TMEM184C: variants seen among roughly 807,000 people sequenced by gnomAD.
TMEM184C encodes the protein transmembrane protein 184C.
TMEM184C carries 25 observed loss-of-function variants against 54.5 expected under a neutral mutation model. The ratio of observed to expected loss-of-function variants is 0.46; its 90% confidence interval spans 0.33 to 0.64. TMEM184C has a LOEUF of 0.64. TMEM184C is among the 30% of genes least tolerant of loss of function. The probability of loss-of-function intolerance (pLI) is 0.02; values close to 1 mark genes in which losing one functional copy is unlikely to be tolerated. For synonymous variants in TMEM184C, 148 were observed against 181.5 expected, an observed-to-expected ratio of 0.82 and a Z score of 1.49; for missense variants, 335 against 520.3, an observed-to-expected ratio of 0.64 and a Z score of 3.46.
At chr4:147,631,364 AC>A in intron 6 of TMEM184C, 28 bp from the exon 7 acceptor site, 2 of 1,493,728 alleles carry the variant, frequency 1.3e-6, no homozygotes, top group Non-Finnish European at 1.8e-6. Flanking sequence ...CTATTACTGA[AC>A]AAGTTTAAAT....
At chr4:147,624,711 C>A in intron 3 of TMEM184C, 93 bp from the exon 4 acceptor site, 2 of 1,161,830 alleles carry the variant, frequency 1.7e-6, no homozygotes, top group Non-Finnish European at 2.5e-6. Context: ...ACATCTCAAG[C>A]ATAAAAATTA....
chr4:147,629,803 A>C, intron 6 of TMEM184C, 111 bp downstream of exon 6: 1 of 560,292 alleles, frequency 1.8e-6, no homozygotes, highest in Non-Finnish European at 2.8e-6. Flanking sequence ...TAATCTTCCT[A>C]TAAATTAAAT....
intron 9 of TMEM184C, 69 bp downstream of exon 9, chr4:147,634,005 T>C (rs1383908103): frequency 1.3e-6 from 2 of 1,548,292 alleles, no homozygotes; most frequent in Non-Finnish European, 1.7e-6. Flanking sequence ...ACTAGGGCAA[T>C]TTATTATCTA....
chr4:147,624,672 TAG>T lies in TMEM184C; in HGVS notation c.292-127_292-126del. On this transcript the variant is annotated intron_variant, in intron 3 of 9. Transcript: ENST00000296582. ...TGATAGCCCTCATAATGATAAATTT[TAG>T]AGAGTCCCATGTAAGTATATGACAA... is the stretch of plus-strand genomic sequence containing the variant. 3 of 750,506 alleles carry T rather than the reference TAG, an allele frequency of 4.0e-6. No homozygotes were observed. The South Asian group carries it at 5.7e-5, about 14-fold the overall frequency. 46.5% of individuals were successfully genotyped at this position (750,506 alleles called of 1,614,324 possible).
At chr4:147,625,788 C>T (rs1732803950) in intron 4 of TMEM184C, among the ~76,000 whole-genome samples, 1 of 152,166 alleles carries the variant, frequency 6.6e-6, no homozygotes. Context: ...ACTTTGCCAG[C>T]CACCTAGACA....
At position 147,624,962 on chromosome 4, in the gene TMEM184C, G is replaced by A. The variant is rs1471537741; in HGVS notation, c.450G>A (p.Gln150=). 2 of 1,613,800 alleles carry A rather than the reference G, an allele frequency of 1.2e-6. No individual in the cohort carries two copies. The highest frequency in any genetic ancestry group is 2.7e-5 in the African/African-American group (2 of 74,920). The change falls in exon 4 of 10, where the codon CAG becomes CAA. Residue 150 remains glutamine, a synonymous_variant. Transcript: ENST00000296582. ...TAATCCTTGAAGCCAAAGATCAACAGAAACATTTCCCTCCTTTATGTTGCT... is the reference window on the plus strand; with the variant it reads ...TAATCCTTGAAGCCAAAGATCAACAAAAACATTTCCCTCCTTTATGTTGCT... ...LVLILEAKDQ[Q]KHFPPLCCCP...
intron 1 of TMEM184C, among the ~76,000 whole-genome samples, 195 bp from the exon 2 acceptor site, chr4:147,623,639 T>A (rs1041229013): frequency 1.3e-5 from 1 of 76,804 alleles, no homozygotes; most frequent in Non-Finnish European, 4.1e-5. Context: ...TTTTTTCAAT[T>A]TTTTAATTTT....
intron 5 of TMEM184C, 22 bp downstream of exon 5, chr4:147,628,457 G>A: frequency 6.2e-7 from 1 of 1,604,008 alleles, no homozygotes; most frequent in South Asian, 1.1e-5. Context: ...GATTTTATAT[G>A]AACTTTTTTT....
chr4:147,633,547 T>A (rs577561800), intron 8 of TMEM184C, among the ~76,000 whole-genome samples: 2 of 152,252 alleles, frequency 1.3e-5, no homozygotes, highest in African/African-American at 4.8e-5. Context: ...AGGCTGCTAC[T>A]TGAGGAAGTG....
chr4:147,631,300 C>G (rs1209760653), intron 6 of TMEM184C, 93 bp from the exon 7 acceptor site: 2 of 926,050 alleles, frequency 2.2e-6, no homozygotes, highest in Non-Finnish European at 3.2e-6. Context: ...TTGCCTGAAA[C>G]ATTACTCTGT....
chr4:147,624,596 G>A (rs1732776334), intron 3 of TMEM184C, among the ~76,000 whole-genome samples: 1 of 152,020 alleles, frequency 6.6e-6, no homozygotes, highest in African/African-American at 2.4e-5. Context: ...ACTTGTTTTT[G>A]TTTACCAATA....
At chr4:147,619,107 G>C (rs1337177467) in intron 1 of TMEM184C, among the ~76,000 whole-genome samples, 3 of 152,186 alleles carry the variant, frequency 2.0e-5, no homozygotes, top group Non-Finnish European at 4.4e-5. Context: ...GACCTCAGGT[G>C]ATCTGTCCTC....
At position 147,635,643 on chromosome 4, in the gene TMEM184C, A is replaced by C. The variant is rs1733016498; in HGVS notation, c.*1209A>C. The stretch of plus-strand genomic sequence containing the variant: ...TATCTATCTATATATATAGAGAGAG[A>C]TAGTGGTTCACAGTAATCATACAAA... On this transcript the variant is annotated 3_prime_UTR_variant, in exon 10 of 10. Transcript: ENST00000296582. 6.6e-6 allele frequency: 1 copy of C among 152,172 alleles called. No individual in the cohort carries two copies. Among genetic ancestry groups the C allele is most frequent in the Non-Finnish European group, 1.5e-5 (1 of 68,010 alleles). 9.4% of individuals were successfully genotyped at this position (152,172 alleles called of 1,614,324 possible).
chr4:147,620,551 G>C lies in TMEM184C; in HGVS notation c.123+2472G>C, dbSNP rs1448526407. ...GTTAGAAAGCTCTTTATGGTAGTGA[G>C]AGGTGTTGGGTGCCTGGGCTATGAT... On this transcript the variant is annotated intron_variant, in intron 1 of 9. Coordinates refer to ENST00000296582, the MANE Select transcript of TMEM184C (RefSeq NM_018241.3). Among the ~76,000 whole-genome samples, 2 of 152,208 alleles carry C rather than the reference G, an allele frequency of 1.3e-5. 1 individual carries two copies. Among genetic ancestry groups the C allele is most frequent in the East Asian group, 3.9e-4 (2 of 5,194 alleles).
At chr4:147,621,303 G>A (rs945911981) in intron 1 of TMEM184C, among the ~76,000 whole-genome samples, 1 of 152,098 alleles carries the variant, frequency 6.6e-6, no homozygotes, top group African/African-American at 2.4e-5. Flanking sequence ...ATTTTGCTGA[G>A]GGAGAGTTAA....
At chr4:147,625,451 AG>A (rs1240333602) in intron 4 of TMEM184C, among the ~76,000 whole-genome samples, 4 of 152,244 alleles carry the variant, frequency 2.6e-5, no homozygotes. Context: ...ATGTTCATGT[AG>A]GACATTAAAA....
intron 8 of TMEM184C, among the ~76,000 whole-genome samples, chr4:147,633,333 A>G (rs1732951126): frequency 6.6e-6 from 1 of 151,688 alleles, no homozygotes; most frequent in Non-Finnish European, 1.5e-5. Context: ...GCAGTGACTC[A>G]CGCCTGTAAT....
intron 4 of TMEM184C, among the ~76,000 whole-genome samples, chr4:147,628,091 C>T (rs1171058802): frequency 6.6e-6 from 1 of 152,220 alleles, no homozygotes; most frequent in African/African-American, 2.4e-5. Flanking sequence ...CACAGAAGGT[C>T]AAGGCTGCAG....
intron 4 of TMEM184C, among the ~76,000 whole-genome samples, chr4:147,627,588 G>A (rs536954447): frequency 7.2e-5 from 11 of 152,334 alleles, no homozygotes; most frequent in African/African-American, 2.6e-4. Context: ...AGACTAGCCT[G>A]GGCAACACAG....
Sources: allele counts gnomAD v4.1 joint callset (sites outside exome capture counted in the v4.1 genomes callset), GRCh38; gene constraint gnomAD v4.1.1; transcripts MANE v1.5; gene names NCBI Gene and HGNC (gene_info 2026-07-23, HGNC 2026-07-21).